TET2: variants seen among roughly 807,000 people sequenced by gnomAD.
TET2 encodes the protein tet methylcytosine dioxygenase 2.
TET2 carries 299 observed loss-of-function variants against 142.9 expected under a neutral mutation model. The observed-to-expected ratio is 2.09, with a 90% CI of 1.90 to 2.30. The LOEUF (loss-of-function observed/expected upper bound fraction) is 2.30, where lower values mean the gene tolerates loss of function less well. Among genes scored for constraint, TET2 ranks in the 30% most tolerant of loss-of-function variants. The pLI is 0.00. For missense variants in TET2, 2,418 were observed against 2,378.0 expected (o/e 1.02, Z -0.35); for synonymous variants, 819 against 849.0 (o/e 0.96, Z 0.61).
chr4:105,205,319 C>T (rs1002148220), intron 2 of TET2, among the ~76,000 whole-genome samples: 6 of 152,146 alleles, frequency 3.9e-5, no homozygotes, highest in African/African-American at 1.2e-4. Flanking sequence ...TCCTTAACTT[C>T]TTAATTTTAG....
At chr4:105,167,995 A>T (rs563495162) in intron 1 of TET2, among the ~76,000 whole-genome samples, 1 of 152,206 alleles carries the variant, frequency 6.6e-6, no homozygotes, top group Non-Finnish European at 1.5e-5. Context: ...TGTAAAGTAT[A>T]TTCAGGATCT....
At chr4:105,209,426 G>A (rs1219513450) in intron 2 of TET2, among the ~76,000 whole-genome samples, 1 of 151,880 alleles carries the variant, frequency 6.6e-6, no homozygotes, top group Non-Finnish European at 1.5e-5. Flanking sequence ...ACCAACTTTG[G>A]ATCTTTATGT....
At chr4:105,210,072 C>T (rs780229250) in intron 2 of TET2, among the ~76,000 whole-genome samples, 1 of 152,130 alleles carries the variant, frequency 6.6e-6, no homozygotes, top group Non-Finnish European at 1.5e-5. Context: ...TAGTACCCCT[C>T]ACACTGATGG....
intron 9 of TET2, among the ~76,000 whole-genome samples, chr4:105,270,579 A>G (rs6835030): frequency 3.3e-5 from 5 of 152,070 alleles, no homozygotes; most frequent in Non-Finnish European, 7.4e-5. Context: ...ATTGTAAAAG[A>G]TTCACAGTGC....
intron 2 of TET2, among the ~76,000 whole-genome samples, chr4:105,214,467 T>C (rs953502526): frequency 1.3e-4 from 18 of 140,936 alleles, no homozygotes; most frequent in Non-Finnish European, 2.4e-4. Flanking sequence ...CCACCACACC[T>C]GGCATTTTTT....
chr4:105,156,668 A>G (rs190136971), intron 1 of TET2, among the ~76,000 whole-genome samples: 1 of 152,324 alleles, frequency 6.6e-6, no homozygotes, highest in Non-Finnish European at 1.5e-5. Context: ...AAAAGCTTCA[A>G]TAGGGATAAT....
chr4:105,184,105 G>A (rs1021246687), intron 1 of TET2, among the ~76,000 whole-genome samples: 4 of 152,138 alleles, frequency 2.6e-5, no homozygotes, highest in African/African-American at 7.2e-5. Flanking sequence ...AGAATGTCGT[G>A]AAAAGTTTGT....
At chr4:105,238,204 G>A in intron 3 of TET2, 1 of 234,694 alleles carries the variant, frequency 4.3e-6, no homozygotes. Context: ...CCTTTAGTGA[G>A]TGCTAATCTT....
chr4:105,172,208 C>T (rs893182843), intron 1 of TET2, among the ~76,000 whole-genome samples: 3 of 152,154 alleles, frequency 2.0e-5, no homozygotes, highest in Admixed American at 6.5e-5. Flanking sequence ...ACCCCCTGCA[C>T]TGTCAAAAAT....
At chr4:105,183,415 A>G (rs1020941016) in intron 1 of TET2, among the ~76,000 whole-genome samples, 5 of 152,108 alleles carry the variant, frequency 3.3e-5, no homozygotes, top group African/African-American at 1.2e-4. Context: ...TTGTGTTTTT[A>G]TACCTATTCA....
chr4:105,180,597 G>C (rs1471927717), intron 1 of TET2, among the ~76,000 whole-genome samples: 1 of 151,716 alleles, frequency 6.6e-6, no homozygotes, highest in Non-Finnish European at 1.5e-5. Context: ...GATCTCCATG[G>C]TCACAAACAG....
intron 1 of TET2, among the ~76,000 whole-genome samples, chr4:105,167,215 C>CT (rs1462583726): frequency 6.6e-6 from 1 of 151,908 alleles, no homozygotes; most frequent in Non-Finnish European, 1.5e-5. Flanking sequence ...TTTCTATTCT[C>CT]TGATTGATTC....
chr4:105,206,473 C>T (rs979471161), intron 2 of TET2, among the ~76,000 whole-genome samples: 1 of 152,172 alleles, frequency 6.6e-6, no homozygotes, highest in African/African-American at 2.4e-5. Context: ...TGGAGGGCTT[C>T]AACTGCAGTC....
chr4:105,224,684 G>GTCTCACTCTCTCTCTCTCTCTC (rs1728065246), intron 2 of TET2, among the ~76,000 whole-genome samples: 1 of 108,106 alleles, frequency 9.3e-6, no homozygotes, highest in African/African-American at 3.6e-5. Context: ...ATATCAGCCA[G>GTCTCACTCTCTCTCTCTCTCTC]TCTCTCTCTC....
intron 2 of TET2, among the ~76,000 whole-genome samples, chr4:105,229,178 A>T (rs1030380137): frequency 1.3e-5 from 2 of 152,222 alleles, no homozygotes; most frequent in Non-Finnish European, 2.9e-5. Context: ...GACTAGACAC[A>T]TTTTAAGGGC....
At position 105,278,768 on chromosome 4, in the gene TET2, A is replaced by G. The variant is rs1731332501; in HGVS notation, c.*2249A>G. The G allele has an allele frequency of 8.6e-6, 2 of 232,908 alleles. No individual in the cohort carries two copies. Among genetic ancestry groups the G allele is most frequent in the Admixed American group, 1.1e-4 (2 of 17,766 alleles). 14.4% of individuals were successfully genotyped at this position (232,908 alleles called of 1,614,324 possible). On this transcript the variant is annotated 3_prime_UTR_variant, in exon 11 of 11. Transcript: ENST00000380013. Reference sequence around the variant, plus strand: ...GAAAATAGAATGCACTGAGTTGATAAAGGGAAAAATTGTAAGGCAGGAGTT... The same window carrying G: ...GAAAATAGAATGCACTGAGTTGATAGAGGGAAAAATTGTAAGGCAGGAGTT...
At chr4:105,207,873 G>A (rs916064469) in intron 2 of TET2, among the ~76,000 whole-genome samples, 3 of 152,098 alleles carry the variant, frequency 2.0e-5, no homozygotes, top group African/African-American at 7.2e-5. Context: ...AACATCCATG[G>A]TTTCTTCTTA....
Position 105,259,632 on chromosome 4 carries a change from T to C in TET2, c.3817T>C (p.Cys1273Arg), listed in dbSNP as rs1730320297. 1.3e-6 allele frequency: 2 copies of C among 1,550,896 alleles called. No individual in the cohort carries two copies. The highest frequency in any genetic ancestry group is 1.7e-6 in the Non-Finnish European group (2 of 1,146,422). ...TTGATTTTTCAGGAGAACTTGCGCC[T>C]GTCAGGGGCTGGATCCAGAAACCTG... The part of the protein sequence containing the change: ...CALNEERTCA[C>R]QGLDPETCGA... The change falls in exon 7 of 11, where the codon TGT (cysteine) becomes CGT (arginine). Residue 1273 changes from cysteine to arginine, a missense_variant. Coordinates refer to ENST00000380013, the MANE Select transcript of TET2 (RefSeq NM_001127208.3).
chr4:105,148,962 G>A (rs992001082), intron 1 of TET2, among the ~76,000 whole-genome samples: 3 of 152,004 alleles, frequency 2.0e-5, no homozygotes, highest in African/African-American at 4.8e-5. Flanking sequence ...TCATTGATAC[G>A]TGGGGTTCTT....
Sources: gnomAD v4.1 joint callset for allele counts (sites outside exome capture counted in the v4.1 genomes callset) on GRCh38, gnomAD v4.1.1 for gene constraint, MANE v1.5 for transcripts, NCBI Gene and HGNC (gene_info 2026-07-23, HGNC 2026-07-21) for gene names.